The following PIK3C2A variants were observed in gnomAD, a reference collection of about 807,000 sequenced individuals.
PIK3C2A encodes the protein phosphatidylinositol 4-phosphate 3-kinase C2 domain-containing subunit alpha.
A neutral mutation model predicts 204.5 loss-of-function variants in PIK3C2A; 97 were observed. The ratio of observed to expected loss-of-function variants is 0.47; its 90% CI spans 0.40 to 0.56. The LOEUF is 0.56. Among genes scored for constraint, PIK3C2A ranks in the 20% least tolerant of loss-of-function variants. The pLI is 0.00. For missense variants in PIK3C2A, 1,735 were observed against 1,969.2 expected, an observed-to-expected ratio of 0.88 and a Z score of 2.25; for synonymous variants, 653 against 664.4, an observed-to-expected ratio of 0.98 and a Z score of 0.26.
Position 17,200,389 on chromosome 11 carries a change from G to C in PIK3C2A, c.-66+7459C>G, listed in dbSNP as rs540453033. ...ACAATTACAAATTTTCTGTAAATTG[G>C]TAACTTCATGATTTTTCTATAAACT... On this transcript the variant is annotated intron_variant, in intron 1 of 32. Transcript: ENST00000691414. Among the ~76,000 whole-genome samples, 7 of 152,182 alleles carry C rather than the reference G, an allele frequency of 4.6e-5. No individual in the cohort carries two copies. The South Asian group carries it at 1.5e-3, about 32-fold the overall frequency.
At position 17,145,651 on chromosome 11, in the gene PIK3C2A, T is replaced by C. The variant is rs778769649; in HGVS notation, c.1704+17A>G. 2.0e-6 allele frequency: 3 copies of C among 1,516,842 alleles called. No individual in the cohort carries two copies. The highest frequency in any genetic ancestry group is 2.7e-6 in the Non-Finnish European group (3 of 1,098,400). The allele number at this position is 1,516,842 out of a possible 1,614,324, so 94.0% of individuals were successfully genotyped here. A position where few individuals can be genotyped will look rare whatever the true frequency, so the allele number is the denominator to read the frequency against. ...GAATCTTTAAGTCATTATGCCAAAATGTGAATTAAGACTTACTTCAATTTG... is the reference window on the plus strand; with the variant it reads ...GAATCTTTAAGTCATTATGCCAAAACGTGAATTAAGACTTACTTCAATTTG... On this transcript the variant is annotated intron_variant, in intron 8 of 32. Coordinates refer to ENST00000691414, the MANE Select transcript of PIK3C2A (RefSeq NM_002645.4).
intron 26 of PIK3C2A, among the ~76,000 whole-genome samples, chr11:17,098,718 A>T (rs561069911): frequency 6.6e-6 from 1 of 152,190 alleles, no homozygotes; most frequent in Non-Finnish European, 1.5e-5. Flanking sequence ...GACTCTTGAG[A>T]CTAGGGAAGT....
intron 15 of PIK3C2A, among the ~76,000 whole-genome samples, chr11:17,121,109 C>CTT (rs545441063): frequency 3.3e-5 from 5 of 150,036 alleles, no homozygotes; most frequent in Non-Finnish European, 7.4e-5. Flanking sequence ...ATCAATTTTT[C>CTT]TTTTCTTTTC....
chr11:17,110,320 T>C, intron 22 of PIK3C2A, 112 bp downstream of exon 22: 1 of 732,982 alleles, frequency 1.4e-6, no homozygotes, highest in Non-Finnish European at 2.2e-6. Context: ...TGGATTAAAA[T>C]AAGAAACAAC....
At chr11:17,111,904 C>CAAAAAAAAAAAAAAATTA (rs755288547) in intron 21 of PIK3C2A, among the ~76,000 whole-genome samples, 2 of 100,446 alleles carry the variant, frequency 2.0e-5, no homozygotes, top group African/African-American at 7.4e-5. Context: ...AAAAAAAATT[C>CAAAAAAAAAAAAAAATTA]AAAAAAAAAA....
At chr11:17,126,050 G>GA (rs1451630493) in intron 13 of PIK3C2A, among the ~76,000 whole-genome samples, 1 of 152,054 alleles carries the variant, frequency 6.6e-6, no homozygotes, top group African/African-American at 2.4e-5. Context: ...CTTGAACCTA[G>GA]GAGGCAGAGG....
At chr11:17,129,242 A>C in intron 13 of PIK3C2A, 58 bp downstream of exon 13, 1 of 1,381,888 alleles carries the variant, frequency 7.2e-7, no homozygotes, top group African/African-American at 1.4e-5. Flanking sequence ...TCATCTAGCC[A>C]ATTCTGATGT....
In PIK3C2A at chr11:17,110,435, G is replaced by T. The variant is rs758670140; in HGVS notation, c.3541C>A (p.Arg1181=). 11 of 1,607,982 alleles carry T rather than the reference G, an allele frequency of 6.8e-6. No individual in the cohort carries two copies. Among genetic ancestry groups the T allele is most frequent in the Non-Finnish European group, 9.3e-6 (11 of 1,177,524 alleles). The part of the protein sequence containing the change: ...IFKCLSTGRD[R]GMVELVPASD... ...AAGACACAGCTAATAAACTTACCTC[G>T]ATCTCTGCCAGTTGAGAGACATTTG... Residue 1181 remains arginine, a synonymous_variant, in exon 22 of 33, where the codon CGA becomes AGA. Coordinates refer to ENST00000691414, the MANE Select transcript of PIK3C2A (RefSeq NM_002645.4).
chr11:17,179,239 G>A (rs944705206), intron 1 of PIK3C2A, among the ~76,000 whole-genome samples: 2 of 152,072 alleles, frequency 1.3e-5, no homozygotes, highest in Non-Finnish European at 2.9e-5. Flanking sequence ...ATAGCTCACC[G>A]TAACCTAGAA....
At chr11:17,109,020 A>C (rs1482620537) in intron 22 of PIK3C2A, among the ~76,000 whole-genome samples, 1 of 152,218 alleles carries the variant, frequency 6.6e-6, no homozygotes, top group African/African-American at 2.4e-5. Flanking sequence ...GAATATGAAA[A>C]AGAAATCTAT....
At chr11:17,143,863 G>C (rs771106803) in intron 8 of PIK3C2A, among the ~76,000 whole-genome samples, 12 of 152,096 alleles carry the variant, frequency 7.9e-5, no homozygotes, top group Non-Finnish European at 1.5e-4. Context: ...CCTGAACCCA[G>C]GAGGCAGAGA....
At chr11:17,130,393 A>AT (rs1315472911) in intron 12 of PIK3C2A, among the ~76,000 whole-genome samples, 1 of 152,180 alleles carries the variant, frequency 6.6e-6, no homozygotes, top group Non-Finnish European at 1.5e-5. Context: ...GACATGTATT[A>AT]TTTTATAATA....
intron 15 of PIK3C2A, among the ~76,000 whole-genome samples, chr11:17,121,020 C>T (rs1396748982): frequency 2.0e-5 from 3 of 152,288 alleles, no homozygotes; most frequent in East Asian, 1.9e-4. Flanking sequence ...GTTCAGCCTA[C>T]AATCTCATTT....
At chr11:17,101,788 A>G (rs1273508408) in intron 24 of PIK3C2A, among the ~76,000 whole-genome samples, 6 of 151,654 alleles carry the variant, frequency 4.0e-5, no homozygotes, top group South Asian at 2.1e-4. Flanking sequence ...TATTTTTAGT[A>G]GAGGCGGGGT....
At chr11:17,129,538 A>T (rs1849632310) in intron 12 of PIK3C2A, 71 bp from the exon 13 acceptor site, 1 of 902,898 alleles carries the variant, frequency 1.1e-6, no homozygotes. Flanking sequence ...CTTTAATGAG[A>T]CTGACAATTT....
chr11:17,155,919 C>T (rs1479065926), intron 2 of PIK3C2A, among the ~76,000 whole-genome samples: 1 of 152,014 alleles, frequency 6.6e-6, no homozygotes, highest in Non-Finnish European at 1.5e-5. Flanking sequence ...CTAAAATAGA[C>T]ACTTTAGAAA....
chr11:17,183,664 G>A (rs1851645165), intron 1 of PIK3C2A, among the ~76,000 whole-genome samples: 1 of 151,632 alleles, frequency 6.6e-6, no homozygotes, highest in African/African-American at 2.4e-5. Context: ...CTGGGCAACA[G>A]AAAGAAACTG....
chr11:17,207,559 A>T (rs1852629734), intron 1 of PIK3C2A, among the ~76,000 whole-genome samples: 1 of 151,882 alleles, frequency 6.6e-6, no homozygotes. Context: ...GACAAAACTA[A>T]CTCCCTGGCG....
At chr11:17,168,170 G>C (rs1455025517) in intron 2 of PIK3C2A, among the ~76,000 whole-genome samples, 2 of 152,110 alleles carry the variant, frequency 1.3e-5, no homozygotes, top group East Asian at 1.9e-4. Flanking sequence ...AATATTAATA[G>C]CAAGCAATTT....
Sources: gnomAD v4.1 joint callset for allele counts (sites outside exome capture counted in the v4.1 genomes callset) on GRCh38, gnomAD v4.1.1 for gene constraint, MANE v1.5 for transcripts, NCBI Gene and HGNC (gene_info 2026-07-23, HGNC 2026-07-21) for gene names.